MATN2: variants seen among roughly 807,000 people sequenced by gnomAD.
MATN2 encodes the protein matrilin-2.
In MATN2, 69 loss-of-function variants were observed where a neutral mutation model predicts 103.2. The ratio of observed to expected loss-of-function variants is 0.67; its 90% CI spans 0.55 to 0.82. The LOEUF is 0.82. MATN2 is among the 40% of genes least tolerant of loss of function. The pLI, the probability that MATN2 is intolerant of heterozygous loss-of-function variation, is 0.00. For missense variants in MATN2, 1,023 were observed against 1,211.5 expected, an observed-to-expected ratio of 0.84 and a Z score of 2.31; for synonymous variants, 429 against 450.2, an observed-to-expected ratio of 0.95 and a Z score of 0.60.
intron 10 of MATN2, among the ~76,000 whole-genome samples, chr8:98,014,747 TAAC>T (rs1379415077): frequency 2.0e-5 from 3 of 152,312 alleles, no homozygotes; most frequent in African/African-American, 7.2e-5. Context: ...TGAGTGAGAA[TAAC>T]AACAGCTGCC....
Position 97,999,415 on chromosome 8 carries a change from G to A in MATN2, c.1205-4246G>A, listed in dbSNP as rs140610876. ...GGCTGAATGCTGGGTTTTAAAAAGA[G>A]AGTTGACTAAAGATCATTTCACCTT... is the stretch of plus-strand genomic sequence containing the variant. On this transcript the variant is annotated intron_variant, in intron 7 of 18. Coordinates refer to ENST00000254898, the MANE Select transcript of MATN2 (RefSeq NM_002380.5). Among the ~76,000 whole-genome samples the A allele has an allele frequency of 5.9e-3, 893 of 152,368 alleles. 5 individuals carry two copies. Among genetic ancestry groups the A allele is most frequent in the African/African-American group, 0.02 (844 of 41,586 alleles).
At chr8:97,893,711 G>A (rs940243105) in intron 2 of MATN2, among the ~76,000 whole-genome samples, 1 of 152,068 alleles carries the variant, frequency 6.6e-6, no homozygotes, top group African/African-American at 2.4e-5. Flanking sequence ...AGAGTAGCTG[G>A]GATTACAGGT....
chr8:97,997,601 A>G (rs1229420855), intron 7 of MATN2, among the ~76,000 whole-genome samples: 1 of 152,164 alleles, frequency 6.6e-6, no homozygotes, highest in East Asian at 1.9e-4. Flanking sequence ...GGGCCTTACC[A>G]GATTAAGTTG....
chr8:98,009,741 G>T (rs1020080667), intron 10 of MATN2, among the ~76,000 whole-genome samples: 1 of 152,136 alleles, frequency 6.6e-6, no homozygotes, highest in African/African-American at 2.4e-5. Context: ...GTGGGGGGTC[G>T]GGGAGGGGAT....
At chr8:97,904,154 A>G (rs1819084087) in intron 2 of MATN2, among the ~76,000 whole-genome samples, 1 of 152,204 alleles carries the variant, frequency 6.6e-6, no homozygotes, top group South Asian at 2.1e-4. Context: ...CATGAAAATA[A>G]GTTGTTTTTG....
rs1812076636 is a variant in MATN2, at chr8:97,982,996, G to C, written c.1081+3988G>C. ...TAACTATCCTCACCATCCATCTCCAGAACTTTTCATCACCCCAAACTGAAA... is the reference window on the plus strand; with the variant it reads ...TAACTATCCTCACCATCCATCTCCACAACTTTTCATCACCCCAAACTGAAA... On this transcript the variant is annotated intron_variant, in intron 6 of 18. Coordinates refer to ENST00000254898, the MANE Select transcript of MATN2 (RefSeq NM_002380.5). The surrounding 1 kb of genome is among the most constrained non-coding windows in gnomAD (Gnocchi z 4.3). 6.6e-6 allele frequency among the ~76,000 whole-genome samples: 1 copy of C among 150,510 alleles called. No homozygotes were observed.
intron 7 of MATN2, among the ~76,000 whole-genome samples, chr8:97,998,786 A>T (rs1812689350): frequency 6.6e-6 from 1 of 152,062 alleles, no homozygotes; most frequent in East Asian, 1.9e-4. Flanking sequence ...GTTGTTTTGC[A>T]ATACGTAAAT....
intron 2 of MATN2, among the ~76,000 whole-genome samples, chr8:97,923,948 A>T (rs772001877): frequency 9.9e-5 from 15 of 152,172 alleles, no homozygotes; most frequent in Non-Finnish European, 2.1e-4. Context: ...CTATCTTCCC[A>T]GCTTACCTGT....
At chr8:97,891,991 C>T (rs1443060207) in intron 2 of MATN2, among the ~76,000 whole-genome samples, 1 of 151,914 alleles carries the variant, frequency 6.6e-6, no homozygotes, top group African/African-American at 2.4e-5. Flanking sequence ...AATCCCAGCA[C>T]TTTGGGAGGC....
chr8:98,018,059 T>A lies in MATN2; in HGVS notation c.1762T>A (p.Tyr588Asn). 2 of 1,613,908 alleles carry A rather than the reference T, an allele frequency of 1.2e-6. No homozygotes were observed. Among genetic ancestry groups the A allele is most frequent in the African/African-American group, 1.3e-5 (1 of 75,062 alleles). Residue 588 changes from tyrosine (Y) to asparagine (N), a missense_variant, in exon 12 of 19, where the codon TAC (tyrosine) becomes AAC (asparagine). Tyr to Asn is a moderately radical substitution (Grantham distance 143). Transcript: ENST00000254898. ...EHICVNSDDS[Y>N]TCECLEGFRL... Reference sequence around the variant, plus strand: ...CATTTGTGTGAACAGTGATGACTCATACACGTGCGAGTGCTTGGAGGGATT... The same window carrying A: ...CATTTGTGTGAACAGTGATGACTCAAACACGTGCGAGTGCTTGGAGGGATT...
chr8:97,921,296 A>G (rs576179894), intron 2 of MATN2, among the ~76,000 whole-genome samples: 1 of 152,356 alleles, frequency 6.6e-6, no homozygotes, highest in Non-Finnish European at 1.5e-5. Context: ...CCATTAAGTA[A>G]TCCAGGGTGT....
intron 2 of MATN2, among the ~76,000 whole-genome samples, chr8:97,895,632 G>A (rs1818783861): frequency 6.6e-6 from 1 of 152,128 alleles, no homozygotes; most frequent in Non-Finnish European, 1.5e-5. Flanking sequence ...TTTTGCACTT[G>A]TCTCATTTTA....
At chr8:97,980,679 C>T (rs914248433) in intron 6 of MATN2, among the ~76,000 whole-genome samples, 36 of 151,668 alleles carry the variant, frequency 2.4e-4, no homozygotes, top group African/African-American at 8.2e-4. Flanking sequence ...ATTCCCCCAC[C>T]TCAGCCTCCC....
chr8:98,016,541 ATTGGACTC>A lies in MATN2; in HGVS notation c.1579_1586del (p.Asp527CysfsTer8), dbSNP rs1357662746. On this transcript the variant is annotated frameshift_variant and splice_region_variant, in exon 11 of 19. Transcript: ENST00000254898. LOFTEE classifies it high-confidence loss of function. ...CTCTAATTCCCATTTGATTCTCAGA[ATTGGACTC>A]TTGTGCTCTGGGGGACCACGGTTGT... is the stretch of plus-strand genomic sequence containing the variant. 2.5e-6 allele frequency: 4 copies of A among 1,606,772 alleles called. No homozygotes were observed. The highest frequency in any genetic ancestry group is 3.4e-6 in the Non-Finnish European group (4 of 1,176,132).
chr8:97,959,465 A>G (rs893875417), intron 4 of MATN2, among the ~76,000 whole-genome samples: 1 of 152,204 alleles, frequency 6.6e-6, no homozygotes, highest in Admixed American at 6.5e-5. Flanking sequence ...CGATTTTTGT[A>G]TTAGCTGAAG....
chr8:97,955,480 C>T (rs1487676633), intron 4 of MATN2, among the ~76,000 whole-genome samples: 1 of 152,158 alleles, frequency 6.6e-6, no homozygotes, highest in East Asian at 1.9e-4. Context: ...TAAAAGTTAG[C>T]TATTCTAAAA....
At chr8:97,923,001 T>A (rs1586418064) in intron 2 of MATN2, among the ~76,000 whole-genome samples, 1 of 152,330 alleles carries the variant, frequency 6.6e-6, no homozygotes, top group East Asian at 1.9e-4. Flanking sequence ...TCTACCTAAT[T>A]GTTCTGCATG....
chr8:97,984,056 G>A (rs1563707365), intron 6 of MATN2, among the ~76,000 whole-genome samples: 1 of 152,342 alleles, frequency 6.6e-6, no homozygotes, highest in East Asian at 1.9e-4. Context: ...CCTACAGCCT[G>A]TAATATGCCA....
intron 2 of MATN2, among the ~76,000 whole-genome samples, chr8:97,897,815 T>C (rs193192508): frequency 3.9e-4 from 60 of 152,334 alleles, no homozygotes; most frequent in Admixed American, 8.5e-4. Context: ...TTTTATAAAC[T>C]GTATGAAGTA....
Sources: allele counts gnomAD v4.1 joint callset (sites outside exome capture counted in the v4.1 genomes callset), GRCh38; gene constraint gnomAD v4.1.1; non-coding constraint Gnocchi (gnomAD v3.1); transcripts MANE v1.5; gene names NCBI Gene and HGNC (gene_info 2026-07-23, HGNC 2026-07-21).